Variants in CHSY3 observed in about 807,000 individuals in gnomAD.
CHSY3 encodes the protein N-acetylgalactosaminyl-proteoglycan 3-beta-glucuronosyltransferase 3.
CHSY3 carries 35 observed loss-of-function variants against 67.2 expected under a neutral mutation model. That is an observed-to-expected ratio of 0.52 (90% confidence interval 0.40 to 0.69). The LOEUF (loss-of-function observed/expected upper bound fraction) is 0.69, where lower values mean the gene tolerates loss of function less well. Ranked by LOEUF, CHSY3 falls within the 30% of genes least tolerant of loss-of-function variation. The pLI, the probability that CHSY3 is intolerant of heterozygous loss-of-function variation, is 0.00. For missense variants in CHSY3, 1,069 were observed against 1,138.5 expected (o/e 0.94, Z 0.88); for synonymous variants, 474 against 434.7 (o/e 1.09, Z -1.12).
chr5:129,928,059 C>T (rs143720220), intron 2 of CHSY3, among the ~76,000 whole-genome samples: 1 of 151,326 alleles, frequency 6.6e-6, no homozygotes, highest in Non-Finnish European at 1.5e-5. Flanking sequence ...CTTTTAAGTT[C>T]GGGAGTACAT....
At chr5:130,132,677 G>A (rs1262159438) in intron 2 of CHSY3, among the ~76,000 whole-genome samples, 4 of 152,130 alleles carry the variant, frequency 2.6e-5, no homozygotes, top group Non-Finnish European at 2.9e-5. Flanking sequence ...TCAACAGAGG[G>A]CAATTTTGTC....
intron 2 of CHSY3, among the ~76,000 whole-genome samples, chr5:130,138,000 AGAAG>A (rs1396577483): frequency 2.6e-5 from 4 of 152,174 alleles, no homozygotes; most frequent in Admixed American, 1.3e-4. Flanking sequence ...ATTGAAATAA[AGAAG>A]GAAGGAAAAG....
chr5:129,959,373 A>G (rs757142879), intron 2 of CHSY3, among the ~76,000 whole-genome samples: 11 of 152,074 alleles, frequency 7.2e-5, no homozygotes, highest in Non-Finnish European at 1.3e-4. Context: ...CATTTCCTAT[A>G]GCTACCTATG....
chr5:129,938,399 A>G (rs997567312), intron 2 of CHSY3, among the ~76,000 whole-genome samples: 1 of 152,128 alleles, frequency 6.6e-6, no homozygotes, highest in Non-Finnish European at 1.5e-5. Flanking sequence ...TCTACATCCA[A>G]CTTGAATTTC....
intron 2 of CHSY3, among the ~76,000 whole-genome samples, chr5:129,983,193 T>G (rs956549772): frequency 6.6e-6 from 1 of 152,086 alleles, no homozygotes; most frequent in African/African-American, 2.4e-5. Context: ...TTGCTTCACC[T>G]CTCTTCTCTT....
At chr5:129,984,235 G>A (rs986581767) in intron 2 of CHSY3, among the ~76,000 whole-genome samples, 2 of 152,012 alleles carry the variant, frequency 1.3e-5, no homozygotes, top group African/African-American at 4.8e-5. Flanking sequence ...TTGTATCCAT[G>A]TGTACTCAAT....
intron 2 of CHSY3, among the ~76,000 whole-genome samples, chr5:130,014,712 G>A (rs1290900783): frequency 1.3e-5 from 2 of 152,036 alleles, no homozygotes; most frequent in African/African-American, 4.8e-5. Flanking sequence ...TAACTCAAGA[G>A]GGATTAAAGA....
intron 2 of CHSY3, among the ~76,000 whole-genome samples, chr5:129,924,491 C>T (rs950310034): frequency 6.6e-6 from 1 of 151,760 alleles, no homozygotes; most frequent in African/African-American, 2.4e-5. Flanking sequence ...ACTAAAAATA[C>T]AAGCATTAGC....
intron 2 of CHSY3, among the ~76,000 whole-genome samples, chr5:130,052,446 C>CTTTGG (rs1389708837): frequency 6.6e-6 from 1 of 152,118 alleles, no homozygotes; most frequent in Non-Finnish European, 1.5e-5. Flanking sequence ...GTATTATTAT[C>CTTTGG]CATAAAGATA....
chr5:130,160,217 C>T (rs987681061), intron 2 of CHSY3, among the ~76,000 whole-genome samples: 3 of 152,142 alleles, frequency 2.0e-5, no homozygotes, highest in Non-Finnish European at 2.9e-5. Flanking sequence ...TTCAACCAAG[C>T]GGAGTTAAAT....
chr5:130,003,977 A>G (rs373470422), intron 2 of CHSY3, among the ~76,000 whole-genome samples: 2 of 152,180 alleles, frequency 1.3e-5, no homozygotes, highest in East Asian at 1.9e-4. Context: ...GTTTGACAGG[A>G]TATGCATTTT....
At chr5:130,001,593 A>G (rs1174063234) in intron 2 of CHSY3, 53 of 841,664 alleles carry the variant, frequency 6.3e-5, no homozygotes, top group Non-Finnish European at 7.4e-5. Context: ...ATAGTACTAC[A>G]TGAGCATTCT....
chr5:129,959,077 T>A (rs1762257883), intron 2 of CHSY3, among the ~76,000 whole-genome samples: 1 of 152,116 alleles, frequency 6.6e-6, no homozygotes, highest in Non-Finnish European at 1.5e-5. Context: ...ATATGCTCTC[T>A]TTAGTGAATT....
At chr5:129,947,000 A>G (rs900542025) in intron 2 of CHSY3, among the ~76,000 whole-genome samples, 3 of 152,194 alleles carry the variant, frequency 2.0e-5, no homozygotes, top group African/African-American at 7.2e-5. Flanking sequence ...AACCTCCTAT[A>G]TTAGTCCGTT....
At chr5:130,172,632 C>T (rs1769927854) in intron 2 of CHSY3, among the ~76,000 whole-genome samples, 1 of 152,236 alleles carries the variant, frequency 6.6e-6, no homozygotes, top group South Asian at 2.1e-4. Context: ...TGCCTGGCCA[C>T]ATGTAACTCT....
At chr5:130,025,165 A>G (rs552161365) in intron 2 of CHSY3, among the ~76,000 whole-genome samples, 1 of 152,262 alleles carries the variant, frequency 6.6e-6, no homozygotes, top group South Asian at 2.1e-4. Flanking sequence ...CAGGCTGGTC[A>G]GCCCCTTAAT....
intron 2 of CHSY3, among the ~76,000 whole-genome samples, chr5:129,943,689 G>A: frequency 6.6e-6 from 1 of 152,238 alleles, no homozygotes; most frequent in East Asian, 1.9e-4. Context: ...TTGCAGACAG[G>A]TACCAGATCT....
intron 2 of CHSY3, among the ~76,000 whole-genome samples, chr5:130,112,822 T>C (rs1767631146): frequency 6.6e-6 from 1 of 152,020 alleles, no homozygotes; most frequent in African/African-American, 2.4e-5. Flanking sequence ...AGATATAGAG[T>C]ATCCTCATTT....
At chr5:130,063,170 C>T (rs1765767644) in intron 2 of CHSY3, among the ~76,000 whole-genome samples, 1 of 152,000 alleles carries the variant, frequency 6.6e-6, no homozygotes, top group African/African-American at 2.4e-5. Flanking sequence ...TGCATGTAAT[C>T]TAAGCAATAA....
Sources: allele counts gnomAD v4.1 joint callset (sites outside exome capture counted in the v4.1 genomes callset), GRCh38; gene constraint gnomAD v4.1.1; transcripts MANE v1.5; gene names NCBI Gene and HGNC (gene_info 2026-07-23, HGNC 2026-07-21).